Variants in VAV3 observed in about 807,000 individuals in gnomAD.
VAV3 encodes the protein guanine nucleotide exchange factor VAV3.
Under a neutral mutation model 131.2 loss-of-function variants are expected in VAV3, and 94 were observed. The ratio of observed to expected loss-of-function variants is 0.72; its 90% CI spans 0.61 to 0.85. The LOEUF (loss-of-function observed/expected upper bound fraction) is 0.85. Ranked by LOEUF, VAV3 falls within the 40% of genes least tolerant of loss-of-function variation. The probability of loss-of-function intolerance (pLI) is 0.00; values close to 1 mark genes in which losing one functional copy is unlikely to be tolerated. For synonymous variants in VAV3, 349 were observed against 342.0 expected (o/e 1.02, Z -0.22); for missense variants, 939 against 1,002.7 (o/e 0.94, Z 0.86).
chr1:107,728,616 T>TATGTAC (rs1662012727), intron 15 of VAV3, among the ~76,000 whole-genome samples: 1 of 102,820 alleles, frequency 9.7e-6, no homozygotes, highest in African/African-American at 3.2e-5. Context: ...TGTATATGTA[T>TATGTAC]ATGTATATGT....
Position 107,788,624 on chromosome 1 carries a change from C to T in VAV3, c.322-9132G>A, listed in dbSNP as rs148007194. Among the ~76,000 whole-genome samples, 21 of 152,280 alleles carry T rather than the reference C, an allele frequency of 1.4e-4. 1 individual carries two copies. In the East Asian group the frequency reaches 3.9e-3, roughly 28 times the overall value. ...TACACTGTTTTACCATCCCCCGGTC[C>T]AAATAGCAAAGTAGATAAAACCTGG... On this transcript the variant is annotated intron_variant, in intron 2 of 26. Coordinates refer to ENST00000370056, the MANE Select transcript of VAV3 (RefSeq NM_006113.5).
intron 4 of VAV3, among the ~76,000 whole-genome samples, chr1:107,775,577 CAAAAAAAAAAAAAAAA>C (rs34775096): frequency 1.8e-5 from 1 of 56,446 alleles, no homozygotes; most frequent in Non-Finnish European, 2.9e-5. Context: ...GACTCAGTCA[CAAAAAAAAAAAAAAAA>C]AAAAAAAAAA....
chr1:107,702,184 T>C (rs976420244), intron 17 of VAV3, among the ~76,000 whole-genome samples: 1 of 152,120 alleles, frequency 6.6e-6, no homozygotes, highest in African/African-American at 2.4e-5. Flanking sequence ...TGGCAGAAGG[T>C]GAAGCAGGTA....
At chr1:107,910,111 A>G (rs1411642761) in intron 1 of VAV3, among the ~76,000 whole-genome samples, 2 of 152,200 alleles carry the variant, frequency 1.3e-5, no homozygotes, top group African/African-American at 4.8e-5. Flanking sequence ...CTCATTTTAC[A>G]GAAGAGGAAA....
At chr1:107,596,506 G>T (rs949185930) in intron 24 of VAV3, among the ~76,000 whole-genome samples, 165 bp from the exon 25 acceptor site, 1 of 152,120 alleles carries the variant, frequency 6.6e-6, no homozygotes, top group Non-Finnish European at 1.5e-5. Flanking sequence ...CTGTCTGGAT[G>T]TACATGACAC....
At chr1:107,957,365 C>G (rs571466585) in intron 1 of VAV3, among the ~76,000 whole-genome samples, 16 of 152,270 alleles carry the variant, frequency 1.1e-4, no homozygotes, top group Admixed American at 5.9e-4. Flanking sequence ...CCTGCTCACG[C>G]CTAGTTTTGT....
rs1402804747 is a variant in VAV3 at position 107,803,563 on chromosome 1, AGGTTCTTC to A, written c.322-24079_322-24072del. Among the ~76,000 whole-genome samples, 3 of 151,996 alleles carry A rather than the reference AGGTTCTTC, an allele frequency of 2.0e-5. No individual in the cohort carries two copies. The East Asian group carries it at 5.8e-4, about 29-fold the overall frequency. On this transcript the variant is annotated intron_variant, in intron 2 of 26. Coordinates refer to ENST00000370056, the MANE Select transcript of VAV3 (RefSeq NM_006113.5). ...TCCATGTGTTTGTCTCATTTCAGAG[AGGTTCTTC>A]TTGTGATTGATTTCTAGTTTTATTT...
At chr1:107,860,725 C>T (rs1301909856) in intron 2 of VAV3, among the ~76,000 whole-genome samples, 2 of 151,540 alleles carry the variant, frequency 1.3e-5, no homozygotes, top group Admixed American at 6.6e-5. Flanking sequence ...GAGGAGACGA[C>T]GTTTATTTCA....
At chr1:107,881,997 T>C (rs982567466) in intron 1 of VAV3, among the ~76,000 whole-genome samples, 1 of 152,198 alleles carries the variant, frequency 6.6e-6, no homozygotes, top group Non-Finnish European at 1.5e-5. Flanking sequence ...TCTTGACTTT[T>C]CTCAAAGATA....
Position 107,603,129 on chromosome 1 carries a change from T to C in VAV3, c.2050A>G (p.Thr684Ala), listed in dbSNP as rs773120840. The C allele has an allele frequency of 3.1e-6, 5 of 1,613,348 alleles. No individual in the cohort carries two copies. In the Admixed American group the frequency reaches 8.3e-5, roughly 27 times the overall value. ...AGAMERLQAE[T>A]ELINRVNSTY... ...CTATTTACCCTATTAATAAGTTCGG[T>C]CTCTGCTTGCAATCTTTCCATTGCT... The change falls in exon 23 of 27, where the codon ACC becomes GCC. Residue 684 changes from threonine (T) to alanine (A), a missense_variant. Thr to Ala is a moderately conservative substitution (Grantham distance 58, BLOSUM62 0). Coordinates refer to ENST00000370056, the MANE Select transcript of VAV3 (RefSeq NM_006113.5).
At chr1:107,624,552 G>T (rs1653865980) in intron 20 of VAV3, among the ~76,000 whole-genome samples, 1 of 152,124 alleles carries the variant, frequency 6.6e-6, no homozygotes, top group Admixed American at 6.6e-5. Context: ...ATATCTTGGT[G>T]AGAAGCCATA....
intron 2 of VAV3, among the ~76,000 whole-genome samples, chr1:107,814,116 G>A (rs894642176): frequency 5.3e-5 from 8 of 151,950 alleles, no homozygotes; most frequent in African/African-American, 1.9e-4. Flanking sequence ...ATACACATGG[G>A]GGTGCAGGTA....
At chr1:107,907,505 C>G (rs908237931) in intron 1 of VAV3, among the ~76,000 whole-genome samples, 1 of 152,120 alleles carries the variant, frequency 6.6e-6, no homozygotes, top group Non-Finnish European at 1.5e-5. Flanking sequence ...CCCAATGCAA[C>G]AGTACTGAAA....
At chr1:107,689,625 A>T (rs1659285366) in intron 17 of VAV3, among the ~76,000 whole-genome samples, 1 of 152,002 alleles carries the variant, frequency 6.6e-6, no homozygotes, top group Non-Finnish European at 1.5e-5. Context: ...CCCTTTGTCA[A>T]TTTCAAACCC....
At chr1:107,583,155 G>A (rs1252239556) in intron 25 of VAV3, among the ~76,000 whole-genome samples, 2 of 152,154 alleles carry the variant, frequency 1.3e-5, no homozygotes, top group Non-Finnish European at 2.9e-5. Flanking sequence ...GCATTTCTCT[G>A]ATGGCCAGTG....
At chr1:107,692,193 G>T (rs917902563) in intron 17 of VAV3, among the ~76,000 whole-genome samples, 1 of 152,128 alleles carries the variant, frequency 6.6e-6, no homozygotes, top group South Asian at 2.1e-4. Flanking sequence ...ATCAAATTTT[G>T]GAGAAAGTTC....
chr1:107,950,310 C>CT, intron 1 of VAV3, among the ~76,000 whole-genome samples: 1 of 152,260 alleles, frequency 6.6e-6, no homozygotes, highest in Non-Finnish European at 1.5e-5. Context: ...GGCACAGTTG[C>CT]TACTGTTACT....
At chr1:107,738,045 T>G (rs1348561388) in intron 15 of VAV3, among the ~76,000 whole-genome samples, 1 of 152,254 alleles carries the variant, frequency 6.6e-6, no homozygotes, top group Non-Finnish European at 1.5e-5. Context: ...GATGAGTTCA[T>G]GTCCTTTGTA....
At chr1:107,724,025 C>T (rs1455638339) in intron 15 of VAV3, among the ~76,000 whole-genome samples, 1 of 151,838 alleles carries the variant, frequency 6.6e-6, no homozygotes, top group Non-Finnish European at 1.5e-5. Flanking sequence ...GCTCGTGAAG[C>T]GACTAACAGA....
Sources: gnomAD v4.1 joint callset for allele counts (sites outside exome capture counted in the v4.1 genomes callset) on GRCh38, gnomAD v4.1.1 for gene constraint, MANE v1.5 for transcripts, NCBI Gene and HGNC (gene_info 2026-07-23, HGNC 2026-07-21) for gene names.